Variants in GALNTL6 observed in about 807,000 individuals in gnomAD.
GALNTL6 encodes the protein polypeptide N-acetylgalactosaminyltransferase like 6, also known as polypeptide N-acetylgalactosaminyltransferase-like 6.
Under a neutral mutation model 73.7 loss-of-function variants are expected in GALNTL6, and 46 were observed. The ratio of observed to expected loss-of-function variants is 0.62; its 90% confidence interval spans 0.49 to 0.80. GALNTL6 has a LOEUF of 0.80. Among genes scored for constraint, GALNTL6 ranks in the 30% least tolerant of loss-of-function variants. The pLI is 0.00. For synonymous variants in GALNTL6, 259 were observed against 263.7 expected, an observed-to-expected ratio of 0.98 and a Z score of 0.17; for missense variants, 604 against 755.0, an observed-to-expected ratio of 0.80 and a Z score of 2.34.
At chr4:172,902,786 T>TA (rs1746694191) in intron 8 of GALNTL6, among the ~76,000 whole-genome samples, 1 of 152,204 alleles carries the variant, frequency 6.6e-6, no homozygotes, top group Non-Finnish European at 1.5e-5. Context: ...AATGTTAACT[T>TA]ACCTCTACAG....
intron 11 of GALNTL6, among the ~76,000 whole-genome samples, chr4:173,012,049 G>C (rs1262766053): frequency 6.6e-6 from 1 of 152,118 alleles, no homozygotes; most frequent in African/African-American, 2.4e-5. Context: ...GACCACAGGT[G>C]CATACCACCA....
chr4:171,820,059 G>A (rs1036315209), intron 2 of GALNTL6, among the ~76,000 whole-genome samples: 9 of 152,012 alleles, frequency 5.9e-5, no homozygotes, highest in South Asian at 2.1e-4. Context: ...AAATGTAGTC[G>A]TAATGCTTGA....
intron 5 of GALNTL6, among the ~76,000 whole-genome samples, chr4:172,568,622 A>G (rs570172878): frequency 2.3e-4 from 35 of 151,272 alleles, no homozygotes; most frequent in East Asian, 3.9e-4. Flanking sequence ...GCCGGGCGTG[A>G]TGGTGGGCGC....
At chr4:172,659,414 C>G (rs1182017659) in intron 5 of GALNTL6, among the ~76,000 whole-genome samples, 1 of 152,066 alleles carries the variant, frequency 6.6e-6, no homozygotes, top group East Asian at 1.9e-4. Flanking sequence ...TTGAAGTATA[C>G]AGTAAATTAT....
intron 11 of GALNTL6, among the ~76,000 whole-genome samples, chr4:173,018,524 G>A (rs1048689611): frequency 6.6e-6 from 1 of 152,188 alleles, no homozygotes; most frequent in African/African-American, 2.4e-5. Flanking sequence ...TCACTGTCTA[G>A]GGAGGGATAG....
At chr4:172,024,114 G>T (rs1741482661) in intron 2 of GALNTL6, among the ~76,000 whole-genome samples, 1 of 151,744 alleles carries the variant, frequency 6.6e-6, no homozygotes, top group Admixed American at 6.6e-5. Context: ...AAATGCCAAT[G>T]TATGCATGAA....
chr4:172,041,326 TA>T (rs1742080901), intron 2 of GALNTL6, among the ~76,000 whole-genome samples: 1 of 152,104 alleles, frequency 6.6e-6, no homozygotes, highest in South Asian at 2.1e-4. Context: ...CTGAGTGTTT[TA>T]ACATTCAGTG....
At chr4:172,527,297 G>T (rs990135654) in intron 5 of GALNTL6, among the ~76,000 whole-genome samples, 2 of 152,140 alleles carry the variant, frequency 1.3e-5, no homozygotes, top group Non-Finnish European at 2.9e-5. Context: ...TCATCTGATG[G>T]AATGGCTGAT....
chr4:172,689,367 A>G (rs951088463), intron 5 of GALNTL6, among the ~76,000 whole-genome samples: 7 of 152,216 alleles, frequency 4.6e-5, no homozygotes, highest in Admixed American at 4.6e-4. Flanking sequence ...CTCCACATCA[A>G]TAAAATGGAA....
chr4:173,009,107 C>T, intron 10 of GALNTL6, 71 bp from the exon 11 acceptor site: 1 of 975,422 alleles, frequency 1.0e-6, no homozygotes, highest in Non-Finnish European at 1.7e-6. Flanking sequence ...TTAATCTACA[C>T]CATGGTTGTT....
chr4:172,343,219 C>T (rs1172547978), intron 4 of GALNTL6, among the ~76,000 whole-genome samples: 1 of 152,108 alleles, frequency 6.6e-6, no homozygotes, highest in Non-Finnish European at 1.5e-5. Flanking sequence ...TTGAAATATT[C>T]AAACATTTTA....
chr4:172,357,398 AT>A (rs1349484993), intron 5 of GALNTL6, among the ~76,000 whole-genome samples: 2 of 152,016 alleles, frequency 1.3e-5, no homozygotes, highest in African/African-American at 4.8e-5. Flanking sequence ...CACATTTGAG[AT>A]TTCACAGGGC....
chr4:172,487,576 CG>C (rs1733743250), intron 5 of GALNTL6, among the ~76,000 whole-genome samples: 1 of 151,486 alleles, frequency 6.6e-6, no homozygotes, highest in African/African-American at 2.4e-5. Context: ...TTAGTAGAGA[CG>C]GAGTTTCACC....
intron 2 of GALNTL6, among the ~76,000 whole-genome samples, chr4:171,871,161 G>T (rs1413759222): frequency 6.6e-6 from 1 of 152,082 alleles, no homozygotes; most frequent in Non-Finnish European, 1.5e-5. Context: ...TGGGGAGTAT[G>T]TAATGATACT....
intron 5 of GALNTL6, among the ~76,000 whole-genome samples, chr4:172,482,383 G>A (rs1353636643): frequency 6.6e-6 from 1 of 152,260 alleles, no homozygotes; most frequent in Non-Finnish European, 1.5e-5. Flanking sequence ...AGCCCAAGGA[G>A]GCGCTGAGAG....
intron 11 of GALNTL6, among the ~76,000 whole-genome samples, chr4:173,019,214 A>G (rs916413453): frequency 6.6e-6 from 1 of 152,352 alleles, no homozygotes; most frequent in South Asian, 2.1e-4. Flanking sequence ...GGCAGAAGAG[A>G]AGAAAATCAA....
At chr4:171,927,670 T>G (rs1024730100) in intron 2 of GALNTL6, among the ~76,000 whole-genome samples, 2 of 152,066 alleles carry the variant, frequency 1.3e-5, no homozygotes, top group Admixed American at 1.3e-4. Context: ...GCCACATGGG[T>G]CTTCTTGGTG....
At chr4:172,594,883 A>G (rs1737793349) in intron 5 of GALNTL6, among the ~76,000 whole-genome samples, 1 of 152,230 alleles carries the variant, frequency 6.6e-6, no homozygotes, top group African/African-American at 2.4e-5. Flanking sequence ...AGCTGCTATA[A>G]CAAAGTACCA....
At chr4:172,135,425 GAGAA>G (rs1733612680) in intron 2 of GALNTL6, among the ~76,000 whole-genome samples, 1 of 151,468 alleles carries the variant, frequency 6.6e-6, no homozygotes, top group Non-Finnish European at 1.5e-5. Flanking sequence ...GAGAGAGAGA[GAGAA>G]AGAGAGAGAG....
Sources: gnomAD v4.1 joint callset for allele counts (sites outside exome capture counted in the v4.1 genomes callset) on GRCh38, gnomAD v4.1.1 for gene constraint, MANE v1.5 for transcripts, NCBI Gene and HGNC (gene_info 2026-07-23, HGNC 2026-07-21) for gene names.